The following EFR3A variants were observed in gnomAD, a reference collection of about 807,000 sequenced individuals.
The protein encoded by EFR3A is protein EFR3 homolog A.
EFR3A carries 76 observed loss-of-function variants against 104.4 expected under a neutral mutation model. That is an observed-to-expected ratio of 0.73 (90% CI 0.60 to 0.88). The LOEUF (loss-of-function observed/expected upper bound fraction) is 0.88. Among genes scored for constraint, EFR3A ranks in the 40% least tolerant of loss-of-function variants. The pLI is 0.00. For missense variants in EFR3A, 985 were observed against 1,012.5 expected (o/e 0.97, Z 0.37); for synonymous variants, 330 against 330.0 (o/e 1.00, Z 0.00).
chr8:131,942,496 T>C (rs1447449991), intron 2 of EFR3A, among the ~76,000 whole-genome samples: 2 of 152,214 alleles, frequency 1.3e-5, no homozygotes, highest in East Asian at 1.9e-4. Context: ...TCCCTTGTTT[T>C]GTCATCATGT....
chr8:131,959,495 T>C, intron 7 of EFR3A, 90 bp from the exon 8 acceptor site: 1 of 966,270 alleles, frequency 1.0e-6, no homozygotes, highest in East Asian at 2.6e-5. Flanking sequence ...GGTAATATTC[T>C]CACTATTAAG....
At chr8:131,928,970 A>T (rs1817447224) in intron 1 of EFR3A, among the ~76,000 whole-genome samples, 1 of 151,996 alleles carries the variant, frequency 6.6e-6, no homozygotes, top group South Asian at 2.1e-4. Flanking sequence ...ATCATCCCTT[A>T]AATGTTTTCT....
intron 8 of EFR3A, among the ~76,000 whole-genome samples, chr8:131,964,093 T>C (rs1586614011): frequency 6.6e-6 from 1 of 152,174 alleles, no homozygotes; most frequent in East Asian, 1.9e-4. Flanking sequence ...GAGCTGTCTA[T>C]GACAAACCCA....
At position 132,011,198 on chromosome 8, in the gene EFR3A, AT is replaced by A; in HGVS notation, c.*304del. 9.7e-7 allele frequency: 1 copy of A among 1,033,052 alleles called. No individual in the cohort carries two copies. The highest frequency in any genetic ancestry group is 4.4e-5 in the South Asian group (1 of 22,918). 64.0% of individuals were successfully genotyped at this position (1,033,052 alleles called of 1,614,324 possible). A position where few individuals can be genotyped will look rare whatever the true frequency, so the allele number is the denominator to read the frequency against. ...GTAGTATGTTTTAAACTTTTCACAA[AT>A]GTAATGTTTTTTAAAAAGTAAGCCT... On this transcript the variant is annotated 3_prime_UTR_variant, in exon 23 of 23. Transcript: ENST00000254624.
At chr8:131,916,242 T>C (rs1481179084) in intron 1 of EFR3A, among the ~76,000 whole-genome samples, 1 of 152,232 alleles carries the variant, frequency 6.6e-6, no homozygotes, top group Non-Finnish European at 1.5e-5. Context: ...GTTATTAAAA[T>C]ACAGTAGTCT....
intron 3 of EFR3A, among the ~76,000 whole-genome samples, chr8:131,945,496 A>G (rs1041191588): frequency 9.9e-5 from 15 of 152,028 alleles, no homozygotes; most frequent in African/African-American, 3.1e-4. Context: ...GGAGTATTCT[A>G]TTCTCCAAGT....
rs1204674517 is a variant in EFR3A at position 131,984,315 on chromosome 8, C to G, written c.1737+15C>G. 2.0e-6 allele frequency: 3 copies of G among 1,521,552 alleles called. No homozygotes were observed. The highest frequency in any genetic ancestry group is 2.6e-6 in the Non-Finnish European group (3 of 1,136,218). The allele number at this position is 1,521,552 out of a possible 1,614,324, so 94.3% of individuals were successfully genotyped here. ...TTGCTTTACAGGTATGCTTTCATAA[C>G]CGTTCACTGCAGAAAACATTTTTTA... On this transcript the variant is annotated intron_variant, in intron 15 of 22. Transcript: ENST00000254624.
intron 9 of EFR3A, among the ~76,000 whole-genome samples, chr8:131,969,389 G>T (rs1404046623): frequency 6.6e-6 from 1 of 151,974 alleles, no homozygotes; most frequent in East Asian, 1.9e-4. Context: ...TATATAAAAT[G>T]GCGTAGTTTT....
intron 19 of EFR3A, 139 bp downstream of exon 19, chr8:131,996,636 A>T: frequency 1.9e-6 from 1 of 533,172 alleles, no homozygotes; most frequent in Non-Finnish European, 3.2e-6. Context: ...AGTAGAAATT[A>T]ATCTGATTTA....
At chr8:131,938,183 T>C (rs1211745483) in intron 1 of EFR3A, 1 of 396,922 alleles carries the variant, frequency 2.5e-6, no homozygotes, top group Non-Finnish European at 4.4e-6. Context: ...GGTAAAAGGA[T>C]CTAGAGTCAG....
At position 131,944,636 on chromosome 8, in the gene EFR3A, A is replaced by G. The variant is rs559726297; in HGVS notation, c.88-109A>G. The G allele has an allele frequency of 1.4e-4, 148 of 1,087,944 alleles. No individual in the cohort carries two copies. In the South Asian group the frequency reaches 2.3e-3, roughly 17 times the overall value. 67.4% of individuals were successfully genotyped at this position (1,087,944 alleles called of 1,614,324 possible). On this transcript the variant is annotated intron_variant, in intron 2 of 22. Transcript: ENST00000254624. ...TTATGTGCAGAAGGGTTCTACATAA[A>G]TATCGTTTAATCCCCAATCCAGAAA... is the stretch of plus-strand genomic sequence containing the variant.
intron 1 of EFR3A, among the ~76,000 whole-genome samples, chr8:131,904,730 C>A (rs1453064277): frequency 6.6e-6 from 1 of 152,242 alleles, no homozygotes; most frequent in African/African-American, 2.4e-5. Flanking sequence ...GACGCGCCGG[C>A]CCCGAGTCCC....
intron 1 of EFR3A, among the ~76,000 whole-genome samples, chr8:131,934,217 A>G (rs1817759624): frequency 6.6e-6 from 1 of 152,166 alleles, no homozygotes; most frequent in Admixed American, 6.5e-5. Flanking sequence ...CTGGGACACT[A>G]GAATATGCAT....
intron 14 of EFR3A, 27 bp from the exon 15 acceptor site, chr8:131,984,112 C>T (rs11783016): frequency 0.14 from 216,409 of 1,566,784 alleles, 16,625 homozygotes; most frequent in Middle Eastern, 0.2. Flanking sequence ...AGCAAAATTA[C>T]CTTTGTCCTC....
At chr8:131,991,007 C>A (rs1821154850) in intron 18 of EFR3A, among the ~76,000 whole-genome samples, 1 of 152,098 alleles carries the variant, frequency 6.6e-6, no homozygotes, top group Non-Finnish European at 1.5e-5. Context: ...TCCATTTTCA[C>A]ACTGCTGATA....
At chr8:131,904,399 G>C (rs1816136033) in intron 1 of EFR3A, 77 bp downstream of exon 1, 1 of 1,210,962 alleles carries the variant, frequency 8.3e-7, no homozygotes, top group Non-Finnish European at 1.0e-6. Context: ...TACTCCTCCC[G>C]GGCGGCTGGG....
At chr8:131,920,256 C>T (rs1367999072) in intron 1 of EFR3A, among the ~76,000 whole-genome samples, 3 of 152,094 alleles carry the variant, frequency 2.0e-5, no homozygotes, top group African/African-American at 7.2e-5. Flanking sequence ...CAGCAATGGC[C>T]ATTTTGCTGT....
intron 14 of EFR3A, among the ~76,000 whole-genome samples, chr8:131,981,431 C>T (rs1042754467): frequency 7.9e-5 from 12 of 151,980 alleles, no homozygotes; most frequent in African/African-American, 2.7e-4. Context: ...TTAATGTAAA[C>T]CATTCCTTTT....
chr8:131,910,530 C>T (rs142291270), intron 1 of EFR3A, among the ~76,000 whole-genome samples: 74 of 152,304 alleles, frequency 4.9e-4, no homozygotes, highest in African/African-American at 1.6e-3. Flanking sequence ...GCCTCGGCCT[C>T]GCAAAGGGCT....
Sources: allele counts gnomAD v4.1 joint callset (sites outside exome capture counted in the v4.1 genomes callset), GRCh38; gene constraint gnomAD v4.1.1; transcripts MANE v1.5; gene names NCBI Gene and HGNC (gene_info 2026-07-23, HGNC 2026-07-21).